NRF1: variants seen among roughly 807,000 people sequenced by gnomAD.
NRF1 encodes the protein alpha palindromic-binding protein.
A neutral mutation model predicts 58.5 loss-of-function variants in NRF1; 5 were observed. The ratio of observed to expected loss-of-function variants is 0.09; its 90% CI spans 0.04 to 0.18. The LOEUF is 0.18. Among genes scored for constraint, NRF1 ranks in the 10% least tolerant of loss-of-function variants. NRF1 has a pLI of 1.00. For missense variants in NRF1, 288 were observed against 657.7 expected (o/e 0.44, Z 6.15); for synonymous variants, 224 against 246.7 (o/e 0.91, Z 0.86).
At chr7:129,736,610 AT>A (rs71167212) in intron 10 of NRF1, among the ~76,000 whole-genome samples, 3 of 146,864 alleles carry the variant, frequency 2.0e-5, no homozygotes, top group East Asian at 2.0e-4. Context: ...AGGTATTTGT[AT>A]TTTTTTTTGG....
At chr7:129,621,602 ACAT>A (rs1368389374) in intron 1 of NRF1, among the ~76,000 whole-genome samples, 1 of 152,186 alleles carries the variant, frequency 6.6e-6, no homozygotes, top group African/African-American at 2.4e-5. Context: ...AAGTAAGAAC[ACAT>A]CATGGAATAC....
chr7:129,712,473 T>C (rs1489189693), intron 8 of NRF1, among the ~76,000 whole-genome samples: 2 of 152,208 alleles, frequency 1.3e-5, no homozygotes, highest in Non-Finnish European at 2.9e-5. Context: ...CACTTTCATT[T>C]GTGCCCCTCA....
At chr7:129,653,681 G>A (rs1801588668) in intron 1 of NRF1, among the ~76,000 whole-genome samples, 2 of 151,912 alleles carry the variant, frequency 1.3e-5, no homozygotes, top group Admixed American at 6.6e-5. Flanking sequence ...TCTTTTTACC[G>A]TCCCCATAGT....
At chr7:129,739,044 T>C (rs1474401393) in intron 10 of NRF1, among the ~76,000 whole-genome samples, 1 of 152,260 alleles carries the variant, frequency 6.6e-6, no homozygotes, top group Non-Finnish European at 1.5e-5. Flanking sequence ...AGCTATGTTT[T>C]ACTCACTTTA....
At chr7:129,709,516 C>T (rs1803022430) in intron 6 of NRF1, among the ~76,000 whole-genome samples, 1 of 152,028 alleles carries the variant, frequency 6.6e-6, no homozygotes, top group African/African-American at 2.4e-5. Context: ...GTCAAAGAAA[C>T]TTGAAGTAAA....
Position 129,661,947 on chromosome 7 carries a change from G to A in NRF1, c.223+4373G>A, listed in dbSNP as rs568163425. Among the ~76,000 whole-genome samples, 4 of 150,886 alleles carry A rather than the reference G, an allele frequency of 2.7e-5. No individual in the cohort carries two copies. In the South Asian group the frequency reaches 8.3e-4, roughly 31 times the overall value. On this transcript the variant is annotated intron_variant, in intron 2 of 10. Coordinates refer to ENST00000393232, the MANE Select transcript of NRF1 (RefSeq NM_005011.5). ...GGACTTACAGATCTATGTGGCTGGG[G>A]AGGCCTCACAACCATGGCAGAAGGC...
intron 4 of NRF1, among the ~76,000 whole-genome samples, chr7:129,690,205 A>G (rs541329790): frequency 6.6e-6 from 1 of 152,306 alleles, no homozygotes; most frequent in African/African-American, 2.4e-5. Context: ...GTTACCTGCA[A>G]TTTCATCATC....
chr7:129,624,682 T>TTAG (rs550957556), intron 1 of NRF1, among the ~76,000 whole-genome samples: 83 of 152,204 alleles, frequency 5.5e-4, no homozygotes, highest in African/African-American at 1.9e-3. Flanking sequence ...AGCCTTTTTA[T>TTAG]TATTATTATT....
chr7:129,701,913 A>G (rs1302643352), intron 5 of NRF1, among the ~76,000 whole-genome samples: 1 of 152,248 alleles, frequency 6.6e-6, no homozygotes, highest in African/African-American at 2.4e-5. Context: ...TTCTAGTTGC[A>G]CTACCATGAG....
At chr7:129,687,421 G>A (rs892661977) in intron 4 of NRF1, among the ~76,000 whole-genome samples, 2 of 151,822 alleles carry the variant, frequency 1.3e-5, no homozygotes, top group African/African-American at 2.4e-5. Context: ...GATTACAGGC[G>A]CCCACCACCA....
intron 10 of NRF1, among the ~76,000 whole-genome samples, chr7:129,731,755 A>G (rs1803585086): frequency 6.6e-6 from 1 of 152,028 alleles, no homozygotes; most frequent in Admixed American, 6.6e-5. Context: ...ACAGGTGCGC[A>G]CTGCCACACC....
At chr7:129,744,037 C>A in intron 10 of NRF1, 1 of 670,664 alleles carries the variant, frequency 1.5e-6, no homozygotes, top group African/African-American at 1.8e-5. Context: ...GCTTTCCTCA[C>A]GGGTGGAAGG....
intron 2 of NRF1, among the ~76,000 whole-genome samples, chr7:129,670,175 G>C (rs552806963): frequency 6.6e-6 from 1 of 152,334 alleles, no homozygotes; most frequent in South Asian, 2.1e-4. Context: ...GGTTGCCAGG[G>C]TCTGGGGGTG....
At chr7:129,698,819 A>G in intron 5 of NRF1, among the ~76,000 whole-genome samples, 1 of 152,210 alleles carries the variant, frequency 6.6e-6, no homozygotes, top group East Asian at 1.9e-4. Context: ...GGAATTGCAT[A>G]GCTTCTTGCA....
At chr7:129,697,787 T>G (rs914920202) in intron 5 of NRF1, among the ~76,000 whole-genome samples, 8 of 151,898 alleles carry the variant, frequency 5.3e-5, no homozygotes, top group Admixed American at 1.3e-4. Flanking sequence ...CAGGCTGGAG[T>G]GAAATGGTGC....
At chr7:129,700,918 AAAAG>A (rs1193594807) in intron 5 of NRF1, among the ~76,000 whole-genome samples, 1 of 152,190 alleles carries the variant, frequency 6.6e-6, no homozygotes, top group African/African-American at 2.4e-5. Flanking sequence ...CCTGTCTCAA[AAAAG>A]AAAGGAAAAG....
chr7:129,653,478 A>G (rs1298968249), intron 1 of NRF1, among the ~76,000 whole-genome samples: 1 of 152,202 alleles, frequency 6.6e-6, no homozygotes, highest in Non-Finnish European at 1.5e-5. Context: ...CATAGTTTAC[A>G]TTAGGGTTCC....
intron 1 of NRF1, among the ~76,000 whole-genome samples, chr7:129,646,513 A>G (rs1231194701): frequency 6.6e-6 from 1 of 152,136 alleles, no homozygotes; most frequent in Non-Finnish European, 1.5e-5. Flanking sequence ...GGGGAACAGA[A>G]GAGAAGAACC....
intron 4 of NRF1, among the ~76,000 whole-genome samples, chr7:129,688,703 A>G (rs914011304): frequency 6.6e-6 from 1 of 152,130 alleles, no homozygotes; most frequent in African/African-American, 2.4e-5. Flanking sequence ...AGAGAGAGAG[A>G]CAAAGAGAGA....
Sources: gnomAD v4.1 joint callset for allele counts (sites outside exome capture counted in the v4.1 genomes callset) on GRCh38, gnomAD v4.1.1 for gene constraint, MANE v1.5 for transcripts, NCBI Gene and HGNC (gene_info 2026-07-23, HGNC 2026-07-21) for gene names.